The following SEMA5A variants were observed in gnomAD, a reference collection of about 807,000 sequenced individuals.
SEMA5A encodes semaphorin 5A.
In SEMA5A, 55 loss-of-function variants were observed where a neutral mutation model predicts 135.5. The ratio of observed to expected loss-of-function variants is 0.41; its 90% CI spans 0.33 to 0.51. SEMA5A has a LOEUF of 0.51. Among genes scored for constraint, SEMA5A ranks in the 20% least tolerant of loss-of-function variants. SEMA5A has a pLI of 0.37. For synonymous variants in SEMA5A, 580 were observed against 546.5 expected (o/e 1.06, Z -0.85); for missense variants, 1,290 against 1,419.9 (o/e 0.91, Z 1.47).
At chr5:9,224,553 G>A in intron 8 of SEMA5A, 121 bp downstream of exon 8, 1 of 854,830 alleles carries the variant, frequency 1.2e-6, no homozygotes, top group Non-Finnish European at 1.9e-6. Flanking sequence ...GCGACACTTT[G>A]ATTTCTTTAG....
chr5:9,441,859 A>T (rs1758248990), intron 1 of SEMA5A, among the ~76,000 whole-genome samples: 1 of 152,238 alleles, frequency 6.6e-6, no homozygotes, highest in South Asian at 2.1e-4. Context: ...AGTAGATGAC[A>T]CACAGATTGT....
rs780118379 is a variant in SEMA5A at position 9,066,556 on chromosome 5, C to T, written c.2164G>A (p.Gly722Ser). 9 of 1,614,176 alleles carry T rather than the reference C, an allele frequency of 5.6e-6. No individual in the cohort carries two copies. The highest frequency in any genetic ancestry group is 3.3e-5 in the South Asian group (3 of 91,086). The change falls in exon 17 of 23, where the codon GGC becomes AGC. Residue 722 changes from glycine to serine, a missense_variant. Gly to Ser is a moderately conservative substitution (Grantham distance 56). This residue lies in a region of SEMA5A where 1,029 missense variants were observed against 1,086.6 expected (regional missense o/e 0.95). Coordinates refer to ENST00000382496, the MANE Select transcript of SEMA5A (RefSeq NM_003966.3). ...PWTPVNISDN[G>S]GHYEQRFRYT... ...CGGAATCGTTGCTCATAGTGGCCGC[C>T]GTTGTCAGAGATGTTGACAGGTGTC... is the stretch of plus-strand genomic sequence containing the variant.
At chr5:9,305,439 G>A (rs1360583865) in intron 5 of SEMA5A, among the ~76,000 whole-genome samples, 2 of 151,770 alleles carry the variant, frequency 1.3e-5, no homozygotes, top group Non-Finnish European at 2.9e-5. Context: ...GGTTCACTCT[G>A]TGTTTTTCGT....
rs3026304 is a variant in SEMA5A at position 9,384,992 on chromosome 5, C to A, written c.-77-4969G>T. Reference sequence around the variant, plus strand: ...GATCAAAGTTCTATCATCATTCAACCAACTCTAGAAAAATAAAAATATATT... The same window carrying A: ...GATCAAAGTTCTATCATCATTCAACAAACTCTAGAAAAATAAAAATATATT... On this transcript the variant is annotated intron_variant, in intron 2 of 22. Coordinates refer to ENST00000382496, the MANE Select transcript of SEMA5A (RefSeq NM_003966.3). 3.3e-3 allele frequency among the ~76,000 whole-genome samples: 497 copies of A among 152,182 alleles called. 3 individuals carry two copies. The highest frequency in any genetic ancestry group is 0.011 in the African/African-American group (465 of 41,510).
At chr5:9,474,803 A>G (rs1344711283) in intron 1 of SEMA5A, among the ~76,000 whole-genome samples, 1 of 152,170 alleles carries the variant, frequency 6.6e-6, no homozygotes, top group Non-Finnish European at 1.5e-5. Flanking sequence ...CACTCTGGCC[A>G]TACCAGCTTA....
intron 1 of SEMA5A, among the ~76,000 whole-genome samples, chr5:9,480,869 C>A (rs144054164): frequency 3.2e-3 from 485 of 152,310 alleles, no homozygotes; most frequent in Non-Finnish European, 5.8e-3. Flanking sequence ...CATAGATATG[C>A]TCAGTTTATT....
At chr5:9,214,087 G>A (rs1403874974) in intron 8 of SEMA5A, among the ~76,000 whole-genome samples, 1 of 152,180 alleles carries the variant, frequency 6.6e-6, no homozygotes, top group Non-Finnish European at 1.5e-5. Context: ...TAGCCAGGAG[G>A]CAAAATCAAG....
chr5:9,356,408 A>G (rs1306219915), intron 3 of SEMA5A, among the ~76,000 whole-genome samples: 1 of 152,158 alleles, frequency 6.6e-6, no homozygotes, highest in Admixed American at 6.5e-5. Flanking sequence ...ACAGTAACAC[A>G]CATTTTTTGC....
At chr5:9,523,933 GT>G (rs34013698) in intron 1 of SEMA5A, among the ~76,000 whole-genome samples, 51,446 of 151,998 alleles carry the variant, frequency 0.34, 8,884 homozygotes, top group East Asian at 0.4. Context: ...TGCAAATAGA[GT>G]TAAATTAAGA....
At chr5:9,087,414 C>A (rs1738758525) in intron 16 of SEMA5A, among the ~76,000 whole-genome samples, 1 of 152,108 alleles carries the variant, frequency 6.6e-6, no homozygotes, top group Non-Finnish European at 1.5e-5. Flanking sequence ...GGGTCTTCAT[C>A]TGCTTAAATA....
chr5:9,133,861 C>T (rs898625997), intron 13 of SEMA5A, among the ~76,000 whole-genome samples: 1 of 148,686 alleles, frequency 6.7e-6, no homozygotes, highest in Non-Finnish European at 1.5e-5. Flanking sequence ...GGCTCTGTGT[C>T]CCCACCTAAA....
chr5:9,292,149 C>T (rs1157388102), intron 5 of SEMA5A, among the ~76,000 whole-genome samples: 1 of 152,168 alleles, frequency 6.6e-6, no homozygotes, highest in Non-Finnish European at 1.5e-5. Flanking sequence ...ACTTCTTGGA[C>T]TTATACAAGT....
intron 16 of SEMA5A, among the ~76,000 whole-genome samples, chr5:9,067,331 C>A (rs1359395956): frequency 6.6e-6 from 1 of 152,112 alleles, no homozygotes; most frequent in Non-Finnish European, 1.5e-5. Context: ...TGATGAAAAT[C>A]TGCCTGGAGC....
At chr5:9,147,242 G>A (rs147712503) in intron 12 of SEMA5A, among the ~76,000 whole-genome samples, 5 of 152,116 alleles carry the variant, frequency 3.3e-5, no homozygotes, top group South Asian at 4.2e-4. Context: ...CATTAAGAAC[G>A]CCCAAATACC....
chr5:9,203,369 T>C (rs956384059), intron 8 of SEMA5A, among the ~76,000 whole-genome samples: 1 of 152,224 alleles, frequency 6.6e-6, no homozygotes, highest in Admixed American at 6.5e-5. Flanking sequence ...GCAATTCAAT[T>C]GGCCTTGTAC....
At chr5:9,217,543 C>A (rs546877208) in intron 8 of SEMA5A, among the ~76,000 whole-genome samples, 1 of 152,296 alleles carries the variant, frequency 6.6e-6, no homozygotes, top group Admixed American at 6.5e-5. Flanking sequence ...GCCTCTCTAG[C>A]AAAGTTGGGG....
chr5:9,486,230 T>G (rs1323489186), intron 1 of SEMA5A, among the ~76,000 whole-genome samples: 1 of 151,904 alleles, frequency 6.6e-6, no homozygotes, highest in Non-Finnish European at 1.5e-5. Flanking sequence ...TGAGAACACA[T>G]GGACACAGGG....
At chr5:9,348,329 C>T (rs1753966973) in intron 3 of SEMA5A, among the ~76,000 whole-genome samples, 1 of 152,196 alleles carries the variant, frequency 6.6e-6, no homozygotes, top group South Asian at 2.1e-4. Flanking sequence ...GCAATTTCTA[C>T]TCATCCATCA....
At chr5:9,259,122 C>T (rs1749259860) in intron 5 of SEMA5A, among the ~76,000 whole-genome samples, 1 of 152,074 alleles carries the variant, frequency 6.6e-6, no homozygotes, top group African/African-American at 2.4e-5. Flanking sequence ...AGGCCCGGCC[C>T]CATTATTTTT....
Sources: gnomAD v4.1 joint callset for allele counts (sites outside exome capture counted in the v4.1 genomes callset) on GRCh38, gnomAD v4.1.1 for gene constraint, gnomAD v4.1.1 regional missense constraint, MANE v1.5 for transcripts, NCBI Gene and HGNC (gene_info 2026-07-23, HGNC 2026-07-21) for gene names.